CSTF3: variants seen among roughly 807,000 people sequenced by gnomAD.
CSTF3 encodes CF-1 77 kDa subunit.
Under a neutral mutation model 105.8 loss-of-function variants are expected in CSTF3, and 29 were observed. That is an observed-to-expected ratio of 0.27 (90% CI 0.20 to 0.37). The LOEUF (loss-of-function observed/expected upper bound fraction) is 0.37. CSTF3 is among the 10% of genes least tolerant of loss of function. The pLI is 1.00. For synonymous variants in CSTF3, 252 were observed against 281.9 expected, an observed-to-expected ratio of 0.89 and a Z score of 1.06; for missense variants, 357 against 879.3, an observed-to-expected ratio of 0.41 and a Z score of 7.51.
intron 3 of CSTF3, among the ~76,000 whole-genome samples, chr11:33,129,518 C>T (rs909258347): frequency 1.1e-4 from 16 of 151,704 alleles, no homozygotes; most frequent in African/African-American, 3.6e-4. Flanking sequence ...GCCAACTGTA[C>T]TATTGAAAAA....
At chr11:33,092,364 AT>A (rs113144162) in intron 15 of CSTF3, 24 bp from the exon 16 acceptor site, 2 of 1,406,496 alleles carry the variant, frequency 1.4e-6, no homozygotes, top group South Asian at 1.3e-5. Flanking sequence ...AAAGATTTTA[AT>A]TTTTTTAATT....
At chr11:33,114,894 A>G (rs1855415959) in intron 3 of CSTF3, among the ~76,000 whole-genome samples, 1 of 152,156 alleles carries the variant, frequency 6.6e-6, no homozygotes, top group South Asian at 2.1e-4. Flanking sequence ...AACTCTATAG[A>G]GGAACACCAA....
At chr11:33,142,013 A>G in intron 1 of CSTF3, 27 bp from the exon 2 acceptor site, 2 of 1,613,340 alleles carry the variant, frequency 1.2e-6, no homozygotes, top group South Asian at 1.1e-5. Flanking sequence ...ACAGTGAACT[A>G]AAGTTACTGT....
intron 17 of CSTF3, among the ~76,000 whole-genome samples, chr11:33,089,577 T>C (rs1855145677): frequency 1.3e-5 from 2 of 152,218 alleles, no homozygotes; most frequent in Admixed American, 6.5e-5. Context: ...AAGCAGAAAC[T>C]ACTTATCCCT....
intron 1 of CSTF3, among the ~76,000 whole-genome samples, chr11:33,143,546 T>A (rs1340396668): frequency 3.3e-5 from 5 of 151,930 alleles, no homozygotes; most frequent in African/African-American, 1.2e-4. Context: ...GGCCAGGAGT[T>A]CAAGACCAGC....
chr11:33,110,704 A>G (rs917605910), intron 3 of CSTF3, among the ~76,000 whole-genome samples: 5 of 152,238 alleles, frequency 3.3e-5, no homozygotes, highest in African/African-American at 4.8e-5. Flanking sequence ...TAAACTTCCA[A>G]TGTGGGAAAG....
At chr11:33,094,928 C>T (rs1052549599) in intron 15 of CSTF3, among the ~76,000 whole-genome samples, 8 of 151,926 alleles carry the variant, frequency 5.3e-5, no homozygotes, top group African/African-American at 1.7e-4. Context: ...GGCAGAGTTT[C>T]GCTCTTGTTG....
chr11:33,137,373 G>A lies in CSTF3; in HGVS notation c.225+4294C>T, dbSNP rs1268063112. Among the ~76,000 whole-genome samples, 4 of 151,666 alleles carry A rather than the reference G, an allele frequency of 2.6e-5. No individual in the cohort carries two copies. The East Asian group carries it at 5.8e-4, about 22-fold the overall frequency. On this transcript the variant is annotated intron_variant, in intron 3 of 20. Coordinates refer to ENST00000323959, the MANE Select transcript of CSTF3 (RefSeq NM_001326.3). ...CCTTTTGAAAGTAGTTGCTTTGGCT[G>A]AGAAAAAAAGTCCCAAGGGAAAAAA...
chr11:33,148,860 GTTT>G (rs551371475), intron 1 of CSTF3, among the ~76,000 whole-genome samples: 4 of 133,660 alleles, frequency 3.0e-5, no homozygotes, highest in African/African-American at 8.2e-5. Flanking sequence ...CTGTTGCTGT[GTTT>G]TTTTTTTTTT....
intron 15 of CSTF3, among the ~76,000 whole-genome samples, chr11:33,094,929 G>A (rs532451178): frequency 4.0e-5 from 6 of 151,596 alleles, no homozygotes; most frequent in East Asian, 1.9e-4. Flanking sequence ...GCAGAGTTTC[G>A]CTCTTGTTGC....
intron 17 of CSTF3, among the ~76,000 whole-genome samples, chr11:33,089,706 G>T (rs1182513375): frequency 6.6e-6 from 1 of 152,138 alleles, no homozygotes; most frequent in Non-Finnish European, 1.5e-5. Flanking sequence ...ATTTTATCTG[G>T]ATCAGACAGA....
intron 3 of CSTF3, chr11:33,141,441 AC>A (rs1855709381): frequency 7.8e-7 from 1 of 1,283,240 alleles, no homozygotes; most frequent in East Asian, 3.0e-5. Context: ...TACCATTGAA[AC>A]TGTTTTAATG....
At chr11:33,112,273 T>C (rs1407361621) in intron 3 of CSTF3, among the ~76,000 whole-genome samples, 1 of 151,622 alleles carries the variant, frequency 6.6e-6, no homozygotes, top group Non-Finnish European at 1.5e-5. Flanking sequence ...AAAAAAATCA[T>C]CAATGTGCTT....
At chr11:33,123,303 C>CCA (rs1411275096) in intron 3 of CSTF3, among the ~76,000 whole-genome samples, 2 of 151,746 alleles carry the variant, frequency 1.3e-5, no homozygotes, top group Non-Finnish European at 2.9e-5. Context: ...CAAATGAAAA[C>CCA]CACACTGAGA....
chr11:33,099,281 A>AT lies in CSTF3; in HGVS notation c.937-132dup. On this transcript the variant is annotated intron_variant, in intron 11 of 20. Transcript: ENST00000323959. This position sits in a 1 kb window ranked among gnomAD's most constrained non-coding sequence, Gnocchi z 4.1. ...AGCATACATGTATGTACACACATAT[A>AT]TATGTATCCACACACACACATACAT... 4.4e-6 allele frequency: 5 copies of AT among 1,141,694 alleles called. No homozygotes were observed. Among genetic ancestry groups the AT allele is most frequent in the Admixed American group, 2.9e-5 (1 of 34,224 alleles). The allele number at this position is 1,141,694 out of a possible 1,614,324, so 70.7% of individuals were successfully genotyped here. A position where few individuals can be genotyped will look rare whatever the true frequency, so the allele number is the denominator to read the frequency against.
chr11:33,154,171 C>A (rs902123609), intron 1 of CSTF3, among the ~76,000 whole-genome samples: 1 of 152,176 alleles, frequency 6.6e-6, no homozygotes, highest in Non-Finnish European at 1.5e-5. Flanking sequence ...AACGAAGATT[C>A]TCAGCCCCAC....
intron 1 of CSTF3, among the ~76,000 whole-genome samples, chr11:33,147,882 A>G (rs1855804277): frequency 6.6e-6 from 1 of 152,142 alleles, no homozygotes; most frequent in Admixed American, 6.5e-5. Flanking sequence ...TTTGTTACTA[A>G]AACATATGGT....
chr11:33,139,400 T>G (rs577018902), intron 3 of CSTF3, among the ~76,000 whole-genome samples: 1 of 152,122 alleles, frequency 6.6e-6, no homozygotes, highest in East Asian at 1.9e-4. Context: ...ATGTAAACAC[T>G]TAAGTATTAC....
At chr11:33,090,059 A>G (rs948855380) in intron 17 of CSTF3, among the ~76,000 whole-genome samples, 2 of 152,218 alleles carry the variant, frequency 1.3e-5, no homozygotes, top group Admixed American at 6.5e-5. Context: ...TAAGAATACA[A>G]ATCCCTCAAG....
Sources: allele counts gnomAD v4.1 joint callset (sites outside exome capture counted in the v4.1 genomes callset), GRCh38; gene constraint gnomAD v4.1.1; non-coding constraint Gnocchi (gnomAD v3.1); transcripts MANE v1.5; gene names NCBI Gene and HGNC (gene_info 2026-07-23, HGNC 2026-07-21).